The following WWOX variants were observed in gnomAD, a reference collection of about 807,000 sequenced individuals.
The protein encoded by WWOX is WW domain-containing oxidoreductase.
WWOX carries 69 observed loss-of-function variants against 46.2 expected under a neutral mutation model. The ratio of observed to expected loss-of-function variants is 1.49; its 90% CI spans 1.23 to 1.82. The LOEUF is 1.82. Among genes scored for constraint, WWOX ranks in the 40% most tolerant of loss-of-function variants. The probability of loss-of-function intolerance (pLI) is 0.00; values close to 1 mark genes in which losing one functional copy is unlikely to be tolerated. For synonymous variants in WWOX, 359 were observed against 202.6 expected (o/e 1.77, Z -6.56); for missense variants, 919 against 542.6 (o/e 1.69, Z -6.89).
chr16:79,028,584 C>T (rs2047692059), intron 8 of WWOX, among the ~76,000 whole-genome samples: 1 of 151,470 alleles, frequency 6.6e-6, no homozygotes, highest in Non-Finnish European at 1.5e-5. Flanking sequence ...CCCTCCCTTT[C>T]CAGCTTAACT....
At chr16:78,829,031 A>C (rs1216746059) in intron 8 of WWOX, among the ~76,000 whole-genome samples, 1 of 152,138 alleles carries the variant, frequency 6.6e-6, no homozygotes, top group Non-Finnish European at 1.5e-5. Context: ...ATTCCACCCC[A>C]TCATAAATTC....
At chr16:78,971,996 G>C (rs2046480177) in intron 8 of WWOX, among the ~76,000 whole-genome samples, 1 of 152,118 alleles carries the variant, frequency 6.6e-6, no homozygotes. Flanking sequence ...GTAGGAGTTT[G>C]TCCACCTGCT....
At chr16:78,538,718 A>G (rs1013258749) in intron 8 of WWOX, among the ~76,000 whole-genome samples, 1 of 152,182 alleles carries the variant, frequency 6.6e-6, no homozygotes, top group Non-Finnish European at 1.5e-5. Flanking sequence ...GACCAGGTTA[A>G]TCTTATTTCT....
chr16:78,805,245 A>G (rs981196373), intron 8 of WWOX, among the ~76,000 whole-genome samples: 7 of 152,092 alleles, frequency 4.6e-5, no homozygotes, highest in Admixed American at 6.6e-5. Context: ...TCAAATCCAA[A>G]ACAGCATATA....
chr16:78,291,751 A>T (rs1378037365), intron 5 of WWOX, among the ~76,000 whole-genome samples: 1 of 152,190 alleles, frequency 6.6e-6, no homozygotes, highest in Non-Finnish European at 1.5e-5. Flanking sequence ...CACTTTATCA[A>T]GTTTGGGGCA....
At chr16:78,828,555 A>T (rs1389235091) in intron 8 of WWOX, among the ~76,000 whole-genome samples, 1 of 151,610 alleles carries the variant, frequency 6.6e-6, no homozygotes, top group Admixed American at 6.6e-5. Flanking sequence ...AATTTAATTT[A>T]TAACTATATC....
At chr16:78,732,354 G>C (rs570262416) in intron 8 of WWOX, among the ~76,000 whole-genome samples, 1 of 152,184 alleles carries the variant, frequency 6.6e-6, no homozygotes, top group East Asian at 1.9e-4. Flanking sequence ...AGCGTAGGTA[G>C]GAAGACCGTG....
At position 78,600,974 on chromosome 16, in the gene WWOX, G is replaced by C. The variant is rs1343984025; in HGVS notation, c.1056+168222G>C. ...GGGCAAGAGACTGCCTTTCCTACTA[G>C]AGCTTCTGCCATCCCTCTGTCACTA... On this transcript the variant is annotated intron_variant, in intron 8 of 8. Coordinates refer to ENST00000566780, the MANE Select transcript of WWOX (RefSeq NM_016373.4). Among the ~76,000 whole-genome samples, 8 of 152,252 alleles carry C rather than the reference G, an allele frequency of 5.3e-5. 1 individual carries two copies. The highest frequency in any genetic ancestry group is 5.2e-4 in the Admixed American group (8 of 15,306).
chr16:78,884,109 T>G (rs545298616), intron 8 of WWOX, among the ~76,000 whole-genome samples: 2 of 151,824 alleles, frequency 1.3e-5, no homozygotes, highest in Admixed American at 1.3e-4. Flanking sequence ...TGAAACCCTG[T>G]CTCTACAAAA....
intron 8 of WWOX, among the ~76,000 whole-genome samples, chr16:78,666,436 C>T (rs148923976): frequency 7.6e-4 from 115 of 152,152 alleles, no homozygotes; most frequent in Non-Finnish European, 1.4e-3. Context: ...GTGTGTCACG[C>T]CATTACATGC....
At chr16:79,131,947 C>T (rs1414795244) in intron 8 of WWOX, among the ~76,000 whole-genome samples, 1 of 152,090 alleles carries the variant, frequency 6.6e-6, no homozygotes, top group African/African-American at 2.4e-5. Flanking sequence ...TTAAAACCAT[C>T]AGATCTCACG....
chr16:79,097,780 G>A (rs937230672), intron 8 of WWOX, among the ~76,000 whole-genome samples: 1 of 152,170 alleles, frequency 6.6e-6, no homozygotes, highest in Non-Finnish European at 1.5e-5. Context: ...GAGAGTAGCG[G>A]GGCTGAGAGT....
chr16:78,586,057 A>C (rs757780750), intron 8 of WWOX, among the ~76,000 whole-genome samples: 6 of 152,054 alleles, frequency 3.9e-5, no homozygotes, highest in Non-Finnish European at 7.4e-5. Context: ...ACAACAAACA[A>C]ACAGACAAAC....
intron 6 of WWOX, among the ~76,000 whole-genome samples, chr16:78,424,440 G>C (rs1212827364): frequency 6.6e-6 from 1 of 152,090 alleles, no homozygotes; most frequent in Non-Finnish European, 1.5e-5. Context: ...CTTTTTAACA[G>C]CATAATTTTT....
chr16:79,106,324 C>T (rs182004571), intron 8 of WWOX, among the ~76,000 whole-genome samples: 1 of 152,308 alleles, frequency 6.6e-6, no homozygotes, highest in Non-Finnish European at 1.5e-5. Flanking sequence ...TACCTGTGCT[C>T]ACTCAGTTCA....
Position 78,340,466 on chromosome 16 carries a change from C to G in WWOX, c.517-46394C>G, listed in dbSNP as rs2080992931. On this transcript the variant is annotated intron_variant, in intron 5 of 8. Transcript: ENST00000566780. ...TCAGGTGATCTGCCCATCTCAGCCT[C>G]CCAATGTGCTAGGATTACAGGCATG... Among the ~76,000 whole-genome samples, 2 of 120,884 alleles carry G rather than the reference C, an allele frequency of 1.7e-5. 1 individual carries two copies. The highest frequency in any genetic ancestry group is 5.6e-5 in the African/African-American group (2 of 35,664). 79.3% of individuals were successfully genotyped at this position (120,884 alleles called of 152,430 possible).
At position 78,967,509 on chromosome 16, in the gene WWOX, T is replaced by C. The variant is rs868418163; in HGVS notation, c.1057-244099T>C. On this transcript the variant is annotated intron_variant, in intron 8 of 8. Coordinates refer to ENST00000566780, the MANE Select transcript of WWOX (RefSeq NM_016373.4). Reference sequence around the variant, plus strand: ...TGCTGAGATGGGGATTTCACCATGTTCTCCAGGCTGGTTTCAAACTCCTGA... The same window carrying C: ...TGCTGAGATGGGGATTTCACCATGTCCTCCAGGCTGGTTTCAAACTCCTGA... 5.4e-5 allele frequency among the ~76,000 whole-genome samples: 8 copies of C among 149,518 alleles called. No individual in the cohort carries two copies. In the South Asian group the frequency reaches 1.7e-3, roughly 32 times the overall value.
At chr16:79,102,176 G>A (rs985939440) in intron 8 of WWOX, among the ~76,000 whole-genome samples, 1 of 151,994 alleles carries the variant, frequency 6.6e-6, no homozygotes, top group East Asian at 1.9e-4. Context: ...AGTGAGAAAT[G>A]TCATCTGAAT....
intron 8 of WWOX, among the ~76,000 whole-genome samples, chr16:78,894,604 A>T (rs2044661067): frequency 2.0e-5 from 3 of 152,156 alleles, no homozygotes; most frequent in Non-Finnish European, 4.4e-5. Flanking sequence ...CCATGAAACA[A>T]ATTGATTAAT....
Sources: allele counts gnomAD v4.1 joint callset (sites outside exome capture counted in the v4.1 genomes callset), GRCh38; gene constraint gnomAD v4.1.1; transcripts MANE v1.5; gene names NCBI Gene and HGNC (gene_info 2026-07-23, HGNC 2026-07-21).